Variants in NEBL observed in about 807,000 individuals in gnomAD.
The protein encoded by NEBL is nebulette.
NEBL carries 122 observed loss-of-function variants against 140.2 expected under a neutral mutation model. The ratio of observed to expected loss-of-function variants is 0.87; its 90% confidence interval spans 0.75 to 1.01. The LOEUF (loss-of-function observed/expected upper bound fraction) is 1.01. NEBL is among the 50% of genes least tolerant of loss of function. The probability of loss-of-function intolerance (pLI) is 0.00; values close to 1 mark genes in which losing one functional copy is unlikely to be tolerated. For missense variants in NEBL, 1,365 were observed against 1,231.3 expected (o/e 1.11, Z -1.62); for synonymous variants, 436 against 398.9 (o/e 1.09, Z -1.11).
At chr10:20,941,274 G>A (rs567560269) in intron 4 of NEBL, among the ~76,000 whole-genome samples, 203 of 152,288 alleles carry the variant, frequency 1.3e-3, no homozygotes, top group African/African-American at 4.5e-3. Flanking sequence ...ATGCAAGGCC[G>A]GTTCAACATA....
chr10:20,858,280 A>G lies in NEBL; in HGVS notation c.863T>C (p.Phe288Ser). ...GCTGGCTTTCAAAACATGGTCTAAA[A>G]ACAACAAATTTGGGAGATCTGAAAC... The part of the protein sequence containing the change: ...DPVSDLPNLL[F>S]LDHVLKASKM... Residue 288 changes from phenylalanine (F) to serine (S), a missense_variant, in exon 9 of 28, where the codon TTT (phenylalanine) becomes TCT (serine). This residue lies in a region of NEBL where 1,323 missense variants were observed against 1,154.8 expected (regional missense o/e 1.15). Transcript: ENST00000377122. 1.2e-6 allele frequency: 2 copies of G among 1,612,230 alleles called. No homozygotes were observed. Among genetic ancestry groups the G allele is most frequent in the Non-Finnish European group, 8.5e-7 (1 of 1,178,262 alleles).
At chr10:21,057,938 T>C (rs1835104578) in intron 2 of NEBL, among the ~76,000 whole-genome samples, 1 of 152,190 alleles carries the variant, frequency 6.6e-6, no homozygotes, top group Non-Finnish European at 1.5e-5. Context: ...CAGTAAATCA[T>C]ATAATCGTGA....
chr10:20,962,851 T>C (rs1316450870), intron 3 of NEBL, among the ~76,000 whole-genome samples: 3 of 152,138 alleles, frequency 2.0e-5, no homozygotes, highest in African/African-American at 7.2e-5. Context: ...TGTAGTGTAG[T>C]CTTCTGCAGA....
At chr10:20,822,516 C>A (rs1337810977) in intron 19 of NEBL, among the ~76,000 whole-genome samples, 3 of 150,128 alleles carry the variant, frequency 2.0e-5, no homozygotes, top group Admixed American at 2.0e-4. Context: ...ATAGATAGTC[C>A]ATATGTCTAT....
chr10:21,223,564 T>A (rs1842102763), intron 3 of NEBL, among the ~76,000 whole-genome samples: 1 of 152,256 alleles, frequency 6.6e-6, no homozygotes, highest in African/African-American at 2.4e-5. Context: ...TGTATACACC[T>A]AGCAGTGCGA....
upstream of NEBL, among the ~76,000 whole-genome samples, chr10:21,176,811 A>T (rs1841307758): frequency 6.6e-6 from 1 of 152,170 alleles, no homozygotes; most frequent in Admixed American, 6.5e-5. Context: ...TCCTAAAAAC[A>T]CTTCTGTATT....
At chr10:20,925,507 C>T (rs545424984) in intron 4 of NEBL, among the ~76,000 whole-genome samples, 7 of 152,298 alleles carry the variant, frequency 4.6e-5, no homozygotes, top group African/African-American at 1.7e-4. Context: ...AGCGTCCACC[C>T]TCCAAAAGCA....
At chr10:21,220,352 T>C (rs142993680) in intron 3 of NEBL, among the ~76,000 whole-genome samples, 16 of 152,302 alleles carry the variant, frequency 1.1e-4, no homozygotes, top group South Asian at 4.1e-4. Context: ...CACACTATTA[T>C]GATCAATTGA....
At chr10:20,863,139 C>G (rs950331687) in intron 7 of NEBL, among the ~76,000 whole-genome samples, 6 of 152,116 alleles carry the variant, frequency 3.9e-5, no homozygotes, top group Non-Finnish European at 7.3e-5. Context: ...TGTAGCTCCC[C>G]ATAACTGCAC....
chr10:20,991,862 G>A (rs1235824759), intron 3 of NEBL, among the ~76,000 whole-genome samples: 3 of 145,192 alleles, frequency 2.1e-5, no homozygotes, highest in Non-Finnish European at 1.5e-5. Context: ...ATGAGAACAT[G>A]CAGTGTTTGG....
intron 3 of NEBL, among the ~76,000 whole-genome samples, chr10:21,212,501 A>G (rs1483313425): frequency 6.6e-6 from 1 of 152,198 alleles, no homozygotes; most frequent in African/African-American, 2.4e-5. Context: ...GAAGGAATAA[A>G]CCAACACTCG....
chr10:21,167,024 C>T lies in NEBL; in HGVS notation c.164+5359G>A, dbSNP rs114594350. On this transcript the variant is annotated intron_variant, in intron 2 of 6. Coordinates refer to the NEBL transcript ENST00000417816. ...AGGAGTGACCAGCAGCGAAATGGTA[C>T]GTGAGAGGCAGCGGAGCACTGGCCT... Among the ~76,000 whole-genome samples, 17 of 152,316 alleles carry T rather than the reference C, an allele frequency of 1.1e-4. No individual in the cohort carries two copies. In the East Asian group the frequency reaches 2.5e-3, roughly 22 times the overall value.
chr10:20,965,011 C>T (rs1836235183), intron 3 of NEBL, among the ~76,000 whole-genome samples: 1 of 152,206 alleles, frequency 6.6e-6, no homozygotes, highest in Admixed American at 6.5e-5. Flanking sequence ...TTCTCATTGA[C>T]TTCTATGCCC....
intron 2 of NEBL, among the ~76,000 whole-genome samples, chr10:21,076,444 C>CAAAA (rs56013237): frequency 5.8e-4 from 29 of 50,068 alleles, no homozygotes; most frequent in Non-Finnish European, 8.1e-4. Flanking sequence ...GACTCAGTTT[C>CAAAA]AAAAAAAAAA....
intron 2 of NEBL, among the ~76,000 whole-genome samples, chr10:21,141,008 T>C (rs1471721049): frequency 6.8e-6 from 1 of 146,210 alleles, no homozygotes; most frequent in East Asian, 2.0e-4. Flanking sequence ...ACGGAAACCC[T>C]GAATCTAATC....
chr10:20,786,772 A>G (rs538580603), intron 27 of NEBL, among the ~76,000 whole-genome samples: 1 of 152,316 alleles, frequency 6.6e-6, no homozygotes, highest in East Asian at 1.9e-4. Flanking sequence ...TGAATATATG[A>G]ACCAGTTCTT....
chr10:21,239,306 T>G (rs956599644), intron 3 of NEBL, among the ~76,000 whole-genome samples: 2 of 152,120 alleles, frequency 1.3e-5, no homozygotes. Flanking sequence ...AGATGCTGAA[T>G]AGTTTACTCT....
intron 2 of NEBL, among the ~76,000 whole-genome samples, chr10:21,148,615 T>C (rs1388272083): frequency 6.6e-6 from 1 of 151,926 alleles, no homozygotes; most frequent in Non-Finnish European, 1.5e-5. Context: ...AACTTCCACC[T>C]CCTGCGTGGA....
chr10:20,941,163 T>A (rs2131566768), intron 4 of NEBL, among the ~76,000 whole-genome samples: 1 of 152,320 alleles, frequency 6.6e-6, no homozygotes, highest in Non-Finnish European at 1.5e-5. Context: ...ATATCCCTGA[T>A]GAACATTGAT....
Sources: allele counts gnomAD v4.1 joint callset (sites outside exome capture counted in the v4.1 genomes callset), GRCh38; gene constraint gnomAD v4.1.1; regional missense constraint gnomAD v4.1.1; transcripts MANE v1.5; gene names NCBI Gene and HGNC (gene_info 2026-07-23, HGNC 2026-07-21).